NFIA: variants seen among roughly 807,000 people sequenced by gnomAD.
The protein encoded by NFIA is nuclear factor 1 A-type.
In NFIA, 8 loss-of-function variants were observed where a neutral mutation model predicts 62.8. The observed-to-expected ratio is 0.13, with a 90% CI of 0.07 to 0.23. The LOEUF is 0.23. NFIA is among the 10% of genes least tolerant of loss of function. NFIA has a pLI of 1.00. For missense variants in NFIA, 410 were observed against 642.1 expected, an observed-to-expected ratio of 0.64 and a Z score of 3.91; for synonymous variants, 235 against 238.1, an observed-to-expected ratio of 0.99 and a Z score of 0.12.
At chr1:61,125,455 G>A (rs1033958214) in intron 2 of NFIA, among the ~76,000 whole-genome samples, 3 of 152,136 alleles carry the variant, frequency 2.0e-5, no homozygotes, top group African/African-American at 7.2e-5. Context: ...AAAAGAATTC[G>A]ATAACCAAGT....
At chr1:61,093,290 G>T (rs1275158190) in intron 2 of NFIA, among the ~76,000 whole-genome samples, 1 of 151,924 alleles carries the variant, frequency 6.6e-6, no homozygotes, top group Non-Finnish European at 1.5e-5. Context: ...CCTGTGATTT[G>T]TAATTATTAA....
At chr1:61,111,295 A>G (rs1312436959) in intron 2 of NFIA, among the ~76,000 whole-genome samples, 5 of 152,094 alleles carry the variant, frequency 3.3e-5, no homozygotes, top group Non-Finnish European at 5.9e-5. Context: ...TTGAGAACCT[A>G]CTGTGCGCTT....
chr1:61,383,285 G>A lies in NFIA; in HGVS notation c.995G>A (p.Ser332Asn). ...TLKKSEKSGFSSPSPSQTSSL... is the reference protein window; with the variant it reads ...TLKKSEKSGFNSPSPSQTSSL... ...AAGAAGTCGGAGAAGTCTGGTTTCA[G>A]CAGCCCCTCCCCTTCACAGACCTCC... Residue 332 changes from serine (S) to asparagine (N), a missense_variant, in exon 7 of 11, where the codon AGC becomes AAC. Ser to Asn is a conservative substitution (Grantham distance 46). This residue lies in a region of NFIA where 298 missense variants were observed against 438.1 expected (regional missense o/e 0.68). Coordinates refer to ENST00000403491, the MANE Select transcript of NFIA (RefSeq NM_001134673.4). 1 of 1,613,998 alleles carries A rather than the reference G, an allele frequency of 6.2e-7. No homozygotes were observed. The highest frequency in any genetic ancestry group is 8.5e-7 in the Non-Finnish European group (1 of 1,179,912).
intron 2 of NFIA, among the ~76,000 whole-genome samples, chr1:61,196,951 G>A (rs531515789): frequency 8.6e-5 from 13 of 150,720 alleles, no homozygotes; most frequent in Admixed American, 7.9e-4. Flanking sequence ...GCGCGCGCGC[G>A]CTGTGTGTGT....
At chr1:61,199,851 C>T (rs539533568) in intron 2 of NFIA, among the ~76,000 whole-genome samples, 35 of 150,872 alleles carry the variant, frequency 2.3e-4, no homozygotes, top group Admixed American at 7.3e-4. Context: ...AAAAATTAGC[C>T]GGGCGTGGTT....
chr1:61,320,127 A>T (rs1355934017), intron 3 of NFIA, among the ~76,000 whole-genome samples: 1 of 151,758 alleles, frequency 6.6e-6, no homozygotes, highest in Non-Finnish European at 1.5e-5. Flanking sequence ...TTTTTTAAAC[A>T]AGAAAAATCC....
intron 4 of NFIA, among the ~76,000 whole-genome samples, chr1:61,341,641 C>T (rs1271750961): frequency 6.6e-6 from 1 of 152,144 alleles, no homozygotes; most frequent in African/African-American, 2.4e-5. Context: ...CCACATCCAA[C>T]TAATGTTTGC....
upstream of NFIA, chr1:61,082,428 G>T: frequency 9.9e-7 from 1 of 1,007,218 alleles, no homozygotes; most frequent in Non-Finnish European, 1.2e-6. Flanking sequence ...GGTGCAGAGC[G>T]GAGGCGGAGG....
intron 2 of NFIA, among the ~76,000 whole-genome samples, chr1:61,114,073 G>C (rs1646755203): frequency 6.6e-6 from 1 of 152,010 alleles, no homozygotes; most frequent in African/African-American, 2.4e-5. Context: ...AAATCATGAT[G>C]GTTTTTATTT....
intron 5 of NFIA, among the ~76,000 whole-genome samples, 163 bp downstream of exon 5, chr1:61,352,730 G>A (rs547045955): frequency 4.8e-4 from 72 of 149,148 alleles, no homozygotes; most frequent in African/African-American, 1.7e-3. Flanking sequence ...GGGAGATAAA[G>A]CAAATATGCA....
intron 2 of NFIA, among the ~76,000 whole-genome samples, chr1:61,209,783 T>C (rs188782120): frequency 1.3e-5 from 2 of 151,896 alleles, no homozygotes; most frequent in Admixed American, 1.3e-4. Context: ...ACCCAGGAGA[T>C]GGAAGTTACA....
chr1:61,097,700 A>G (rs765521734), intron 2 of NFIA, among the ~76,000 whole-genome samples: 63 of 152,206 alleles, frequency 4.1e-4, no homozygotes, highest in Non-Finnish European at 4.3e-4. Flanking sequence ...TCTCTTTTGC[A>G]GTGATATGTA....
chr1:61,129,187 G>A (rs1173177456), intron 2 of NFIA, among the ~76,000 whole-genome samples: 1 of 152,018 alleles, frequency 6.6e-6, no homozygotes, highest in Non-Finnish European at 1.5e-5. Context: ...CTCCCAGAGT[G>A]CTGGGATTAC....
chr1:61,296,850 G>A (rs1306412783), intron 3 of NFIA, among the ~76,000 whole-genome samples: 6 of 152,154 alleles, frequency 3.9e-5, no homozygotes, highest in Non-Finnish European at 7.3e-5. Flanking sequence ...CATTTTTCTG[G>A]TTGAACTGAA....
At chr1:61,408,455 T>G (rs138852816) in intron 9 of NFIA, among the ~76,000 whole-genome samples, 1 of 152,352 alleles carries the variant, frequency 6.6e-6, no homozygotes, top group African/African-American at 2.4e-5. Context: ...CATCTGTTCC[T>G]TGAGGATGTT....
chr1:61,258,848 C>T (rs1371606809), intron 2 of NFIA, among the ~76,000 whole-genome samples: 2 of 152,044 alleles, frequency 1.3e-5, no homozygotes, highest in African/African-American at 4.8e-5. Context: ...CCACCTCAGC[C>T]TTCTAAGTAG....
At position 61,383,312 on chromosome 1, in the gene NFIA, C is replaced by G; in HGVS notation, c.1022C>G (p.Ser341Cys). Residue 341 changes from serine to cysteine, a missense_variant, in exon 7 of 11, where the codon TCC becomes TGC. Coordinates refer to ENST00000403491, the MANE Select transcript of NFIA (RefSeq NM_001134673.4). ...FSSPSPSQTSSLGTAFTQHHR... is the reference protein window; with the variant it reads ...FSSPSPSQTSCLGTAFTQHHR... ...AGCCCCTCCCCTTCACAGACCTCCT[C>G]CCTGGGAACGGCGTTCACACAGCAT... 6.2e-7 allele frequency: 1 copy of G among 1,614,042 alleles called. No homozygotes were observed. The highest frequency in any genetic ancestry group is 8.5e-7 in the Non-Finnish European group (1 of 1,179,926).
chr1:61,443,381 G>C (rs1238746927), intron 10 of NFIA, among the ~76,000 whole-genome samples: 1 of 152,128 alleles, frequency 6.6e-6, no homozygotes, highest in Non-Finnish European at 1.5e-5. Context: ...TCTTAGCAGA[G>C]GTGCAAACTG....
intron 3 of NFIA, among the ~76,000 whole-genome samples, chr1:61,289,781 A>G (rs1658748347): frequency 1.3e-5 from 2 of 152,100 alleles, no homozygotes; most frequent in Non-Finnish European, 2.9e-5. Context: ...TCATCTTCCC[A>G]GGTATCTGCC....
Sources: gnomAD v4.1 joint callset for allele counts (sites outside exome capture counted in the v4.1 genomes callset) on GRCh38, gnomAD v4.1.1 for gene constraint, gnomAD v4.1.1 regional missense constraint, MANE v1.5 for transcripts, NCBI Gene and HGNC (gene_info 2026-07-23, HGNC 2026-07-21) for gene names.